The following IGSF11 variants were observed in gnomAD, a reference collection of about 807,000 sequenced individuals.
The protein encoded by IGSF11 is CXADR like 1.
Under a neutral mutation model 41.0 loss-of-function variants are expected in IGSF11, and 22 were observed. That is an observed-to-expected ratio of 0.54 (90% CI 0.38 to 0.77). The LOEUF (loss-of-function observed/expected upper bound fraction) is 0.77. Ranked by LOEUF, IGSF11 falls within the 30% of genes least tolerant of loss-of-function variation. IGSF11 has a pLI of 0.00. For missense variants in IGSF11, 444 were observed against 530.8 expected, an observed-to-expected ratio of 0.84 and a Z score of 1.61; for synonymous variants, 219 against 201.3, an observed-to-expected ratio of 1.09 and a Z score of -0.74.
intron 4 of IGSF11, among the ~76,000 whole-genome samples, chr3:118,912,199 A>C (rs763605860): frequency 2.8e-4 from 42 of 152,210 alleles, no homozygotes; most frequent in Admixed American, 1.3e-4. Context: ...TTAAAGTGTG[A>C]AGGTTATTCT....
At chr3:118,945,665 T>C (rs1944073311) in intron 1 of IGSF11, among the ~76,000 whole-genome samples, 8 of 152,238 alleles carry the variant, frequency 5.3e-5, no homozygotes, top group Admixed American at 3.3e-4. Context: ...GTGTTATTTC[T>C]AAGCAGATTA....
chr3:119,104,166 C>G (rs2076982478), intron 1 of IGSF11, among the ~76,000 whole-genome samples: 1 of 152,154 alleles, frequency 6.6e-6, no homozygotes, highest in African/African-American at 2.4e-5. Context: ...CCAATTACAA[C>G]CAGCATGATC....
chr3:118,972,986 C>T (rs537881519), intron 1 of IGSF11, among the ~76,000 whole-genome samples: 2 of 152,176 alleles, frequency 1.3e-5, no homozygotes, highest in Non-Finnish European at 2.9e-5. Context: ...CCCTGCTCTA[C>T]GTGGCTGTTT....
intron 1 of IGSF11, among the ~76,000 whole-genome samples, chr3:119,098,343 A>G (rs1414060391): frequency 6.6e-6 from 1 of 152,178 alleles, no homozygotes; most frequent in Non-Finnish European, 1.5e-5. Context: ...AAACACTTAG[A>G]GCAGTGCCTA....
chr3:119,051,981 T>C (rs765068648), intron 1 of IGSF11, among the ~76,000 whole-genome samples: 2 of 151,844 alleles, frequency 1.3e-5, no homozygotes, highest in Non-Finnish European at 2.9e-5. Context: ...GTAAAAGCAG[T>C]GATAAGAGGA....
At chr3:118,946,881 G>C (rs1280100438) in intron 1 of IGSF11, among the ~76,000 whole-genome samples, 1 of 152,238 alleles carries the variant, frequency 6.6e-6, no homozygotes, top group African/African-American at 2.4e-5. Flanking sequence ...GGAGGCCAAG[G>C]CGGGCGGATC....
At chr3:118,962,055 T>A (rs896090643) in intron 1 of IGSF11, among the ~76,000 whole-genome samples, 1 of 152,232 alleles carries the variant, frequency 6.6e-6, no homozygotes, top group African/African-American at 2.4e-5. Flanking sequence ...TTGGAAAGAC[T>A]TGGAGCTCAT....
At chr3:118,952,181 A>C (rs1446925224) in intron 1 of IGSF11, among the ~76,000 whole-genome samples, 1 of 152,160 alleles carries the variant, frequency 6.6e-6, no homozygotes, top group Non-Finnish European at 1.5e-5. Context: ...CGATCATCTG[A>C]GCCTTCAGTG....
At chr3:118,930,669 T>C (rs932986140) in intron 1 of IGSF11, among the ~76,000 whole-genome samples, 3 of 152,140 alleles carry the variant, frequency 2.0e-5, no homozygotes, top group Admixed American at 6.6e-5. Context: ...ACAAATCACA[T>C]AAATCTAACA....
upstream of IGSF11, among the ~76,000 whole-genome samples, chr3:119,105,539 A>G (rs1292279432): frequency 6.6e-6 from 1 of 152,174 alleles, no homozygotes; most frequent in African/African-American, 2.4e-5. Flanking sequence ...TTTATCTCCT[A>G]TATTACTCCT....
chr3:119,102,693 A>C (rs2076956132), intron 1 of IGSF11, among the ~76,000 whole-genome samples: 1 of 152,080 alleles, frequency 6.6e-6, no homozygotes, highest in African/African-American at 2.4e-5. Context: ...TTTGTCCCTA[A>C]TACTTCTAAA....
chr3:119,039,805 C>A (rs938654961), upstream of IGSF11, among the ~76,000 whole-genome samples: 1 of 152,168 alleles, frequency 6.6e-6, no homozygotes, highest in Non-Finnish European at 1.5e-5. Context: ...GATCTTTTCT[C>A]ATGTGTCACC....
At chr3:119,060,347 A>C (rs931377771) in intron 1 of IGSF11, among the ~76,000 whole-genome samples, 12 of 152,210 alleles carry the variant, frequency 7.9e-5, no homozygotes, top group Non-Finnish European at 4.4e-5. Flanking sequence ...ACATCCAAGA[A>C]AAGAGTCAAA....
intron 1 of IGSF11, among the ~76,000 whole-genome samples, chr3:119,135,948 CA>C (rs2077555289): frequency 6.6e-6 from 1 of 152,132 alleles, no homozygotes; most frequent in East Asian, 1.9e-4. Context: ...TCATTCTAAG[CA>C]AACTATCACA....
chr3:118,992,636 G>A (rs1164734320), intron 1 of IGSF11, among the ~76,000 whole-genome samples: 1 of 152,156 alleles, frequency 6.6e-6, no homozygotes. Context: ...TGCGACTATA[G>A]AAGTTTGCAG....
intron 1 of IGSF11, among the ~76,000 whole-genome samples, chr3:119,010,184 C>T (rs1202999076): frequency 6.6e-6 from 1 of 152,100 alleles, no homozygotes; most frequent in Admixed American, 6.6e-5. Context: ...GAGAAGATTC[C>T]CTGCAGGAAC....
intron 1 of IGSF11, among the ~76,000 whole-genome samples, chr3:118,969,127 A>C (rs1028325117): frequency 1.3e-5 from 2 of 152,238 alleles, no homozygotes; most frequent in Non-Finnish European, 2.9e-5. Flanking sequence ...GGAGAAAAAA[A>C]ACACTAACAG....
At chr3:119,117,124 C>G (rs1395166172) in intron 1 of IGSF11, among the ~76,000 whole-genome samples, 1 of 151,916 alleles carries the variant, frequency 6.6e-6, no homozygotes, top group Non-Finnish European at 1.5e-5. Flanking sequence ...TTCATGGTCT[C>G]TCTTTATGCA....
At chr3:118,909,237 T>A (rs1939978746) in intron 4 of IGSF11, among the ~76,000 whole-genome samples, 1 of 152,238 alleles carries the variant, frequency 6.6e-6, no homozygotes, top group South Asian at 2.1e-4. Context: ...GACTTATATA[T>A]TTTAAATAAT....
Sources: gnomAD v4.1 joint callset for allele counts (sites outside exome capture counted in the v4.1 genomes callset) on GRCh38, gnomAD v4.1.1 for gene constraint, MANE v1.5 for transcripts, NCBI Gene and HGNC (gene_info 2026-07-23, HGNC 2026-07-21) for gene names.